The following ZNF490 variants were observed in gnomAD, a reference collection of about 807,000 sequenced individuals.
ZNF490 encodes zinc finger protein 490.
A neutral mutation model predicts 17.7 loss-of-function variants in ZNF490; 11 were observed. The ratio of observed to expected loss-of-function variants is 0.62; its 90% CI spans 0.39 to 1.03. The LOEUF (loss-of-function observed/expected upper bound fraction) is 1.03. Among genes scored for constraint, ZNF490 ranks in the 50% least tolerant of loss-of-function variants. The pLI is 0.00. For synonymous variants in ZNF490, 222 were observed against 216.1 expected, an observed-to-expected ratio of 1.03 and a Z score of -0.24; for missense variants, 542 against 643.4, an observed-to-expected ratio of 0.84 and a Z score of 1.71.
chr19:12,589,894 GTATGTATGTATGTATGTATT>G (rs1295244991), intron 2 of ZNF490, among the ~76,000 whole-genome samples: 43 of 110,306 alleles, frequency 3.9e-4, no homozygotes, highest in African/African-American at 1.0e-3. Flanking sequence ...ATGTATGTAT[GTATGTATGTATGTATGTATT>G]TATTTATTTA....
intron 2 of ZNF490, among the ~76,000 whole-genome samples, chr19:12,604,938 G>C (rs1390885575): frequency 6.6e-6 from 1 of 152,078 alleles, no homozygotes; most frequent in East Asian, 1.9e-4. Context: ...TGGATCACTT[G>C]AGGTCAGGAG....
chr19:12,597,132 C>A (rs1367483633), intron 2 of ZNF490: 1 of 462,312 alleles, frequency 2.2e-6, no homozygotes, highest in Non-Finnish European at 4.4e-6. Flanking sequence ...TCGGGACTCC[C>A]GGCCCCGCAC....
Position 12,578,139 on chromosome 19 carries a change from C to G in ZNF490, c.*2346G>C. 2 of 985,500 alleles carry G rather than the reference C, an allele frequency of 2.0e-6. No homozygotes were observed. Among genetic ancestry groups the G allele is most frequent in the South Asian group, 4.7e-5 (1 of 21,282 alleles). 61.0% of individuals were successfully genotyped at this position (985,500 alleles called of 1,614,324 possible). On this transcript the variant is annotated 3_prime_UTR_variant, in exon 5 of 5. Coordinates refer to ENST00000311437, the MANE Select transcript of ZNF490 (RefSeq NM_020714.3). The stretch of plus-strand genomic sequence containing the variant: ...CTAGTCTTAGCGGGAGGCTAGGAAA[C>G]CAGTCCTGGAGCAGGATGCATGTGA...
At position 12,583,543 on chromosome 19, in the gene ZNF490, A is replaced by C. The variant is rs1211858669; in HGVS notation, c.176T>G (p.Leu59Arg). The change falls in exon 3 of 5, where the codon CTT becomes CGT. Residue 59 changes from leucine (L) to arginine (R), a missense_variant. By Grantham distance (102) the Leu-to-Arg change is moderately radical (BLOSUM62 -2). Coordinates refer to ENST00000311437, the MANE Select transcript of ZNF490 (RefSeq NM_020714.3). The stretch of plus-strand genomic sequence containing the variant: ...GGTGAAGTTCACAGCCACATCCTCA[A>C]GGGAGATGGAGTCCTAAAACATCCC... ...SIKTQTDSISLEDVAVNFTLE... is the reference protein window; with the variant it reads ...SIKTQTDSISREDVAVNFTLE... 3 of 1,597,918 alleles carry C rather than the reference A, an allele frequency of 1.9e-6. No homozygotes were observed. The South Asian group carries it at 3.3e-5, about 18-fold the overall frequency.
intron 2 of ZNF490, among the ~76,000 whole-genome samples, chr19:12,601,012 C>G (rs1329373106): frequency 6.6e-6 from 1 of 151,116 alleles, no homozygotes; most frequent in Non-Finnish European, 1.5e-5. Flanking sequence ...ATCCTTTGAG[C>G]CTGGAAGGCA....
chr19:12,602,493 C>T (rs892466299), intron 2 of ZNF490, among the ~76,000 whole-genome samples: 3 of 151,906 alleles, frequency 2.0e-5, no homozygotes, highest in African/African-American at 4.8e-5. Flanking sequence ...AAGGTTGCAG[C>T]GAGCCGAGAT....
intron 2 of ZNF490, among the ~76,000 whole-genome samples, chr19:12,596,257 T>A: frequency 1.1e-4 from 3 of 26,386 alleles, no homozygotes; most frequent in African/African-American, 2.7e-4. Context: ...AGAGAAAGAC[T>A]CCGTCTCAAA....
rs997437007 is a variant in ZNF490 at position 12,581,241 on chromosome 19, G to A, written c.834C>T (p.Tyr278=). 6.2e-6 allele frequency: 10 copies of A among 1,613,802 alleles called. No individual in the cohort carries two copies. In the African/African-American group the frequency reaches 1.3e-4, roughly 22 times the overall value. The change falls in exon 5 of 5, where the codon TAC becomes TAT. Residue 278 remains tyrosine, a synonymous_variant. Transcript: ENST00000311437. ...HEKNHTGEKP[Y]KCKQCGKAFI... is the part of the protein sequence containing the mutation. ...AGGCTTTTCCACACTGTTTACATTT[G>A]TAGGGTTTCTCTCCAGTGTGATTTT... is the stretch of plus-strand genomic sequence containing the variant.
At chr19:12,588,688 T>C (rs1410433124) in intron 2 of ZNF490, among the ~76,000 whole-genome samples, 5 of 152,210 alleles carry the variant, frequency 3.3e-5, no homozygotes. Context: ...CAAGTTCACA[T>C]GGAATATTCA....
At chr19:12,604,236 C>G (rs763951938) in intron 2 of ZNF490, among the ~76,000 whole-genome samples, 4 of 152,202 alleles carry the variant, frequency 2.6e-5, no homozygotes, top group Non-Finnish European at 5.9e-5. Flanking sequence ...CTTTGTAGGG[C>G]CAGGTGTGGT....
intron 1 of ZNF490, 70 bp downstream of exon 1, chr19:12,610,494 A>C: frequency 1.6e-6 from 2 of 1,223,280 alleles, no homozygotes; most frequent in South Asian, 1.2e-5. Context: ...TGATGGGGTA[A>C]CCGTCTGTTT....
Position 12,579,818 on chromosome 19 carries a change from GA to G in ZNF490, c.*666del, listed in dbSNP as rs1311480343. The G allele has an allele frequency of 2.0e-5, 3 of 148,052 alleles. No individual in the cohort carries two copies. The highest frequency in any genetic ancestry group is 4.2e-3 in the Middle Eastern group (1 of 236). 9.2% of individuals were successfully genotyped at this position (148,052 alleles called of 1,614,324 possible). ...AGACACCATCTTGGGGTGCGGCGGG[GA>G]AAAAAAGGTTGGGTGCTGTGGCTCA... On this transcript the variant is annotated 3_prime_UTR_variant, in exon 5 of 5. Transcript: ENST00000311437.
intron 3 of ZNF490, 133 bp from the exon 4 acceptor site, chr19:12,583,043 AC>A: frequency 4.1e-6 from 3 of 723,802 alleles, no homozygotes; most frequent in Non-Finnish European, 6.3e-6. Context: ...TTCTCTTCCC[AC>A]ATTTTTTTTT....
At chr19:12,599,337 A>G (rs2022975151) in intron 2 of ZNF490, among the ~76,000 whole-genome samples, 1 of 151,786 alleles carries the variant, frequency 6.6e-6, no homozygotes, top group South Asian at 2.1e-4. Context: ...GTTTAGGACA[A>G]GTCAGAAAGT....
chr19:12,581,354 T>C lies in ZNF490; in HGVS notation c.721A>G (p.Ile241Val), dbSNP rs756546663. 2.6e-5 allele frequency: 42 copies of C among 1,613,802 alleles called. No homozygotes were observed. Among genetic ancestry groups the C allele is most frequent in the Non-Finnish European group, 3.1e-5 (37 of 1,179,954 alleles). ...GGTGTCTCTCCAGTATGAATTCTTA[T>C]ATGGTTTCGAAAGGAAAAGAGAAAT... is the stretch of plus-strand genomic sequence containing the variant. The part of the protein sequence containing the change: ...FAFLFSFRNH[I>V]RIHTGETPYE... The change falls in exon 5 of 5, where the codon ATA (isoleucine) becomes GTA (valine). Residue 241 changes from isoleucine (I) to valine (V), a missense_variant. Transcript: ENST00000311437.
intron 2 of ZNF490, 108 bp downstream of exon 2, chr19:12,609,050 C>A: frequency 9.5e-7 from 1 of 1,055,462 alleles, no homozygotes; most frequent in Non-Finnish European, 1.4e-6. Context: ...GGAGTGCCTT[C>A]ACAAAGACCC....
chr19:12,598,755 G>A lies in ZNF490; in HGVS notation c.162+10403C>T, dbSNP rs867217422. ...TGTAATCCCAGCACTTTGGGAGGCT[G>A]AGGCAGGCGGATCATGAGGTCAGGA... is the stretch of plus-strand genomic sequence containing the variant. On this transcript the variant is annotated intron_variant, in intron 2 of 4. Transcript: ENST00000311437. Among the ~76,000 whole-genome samples, 141 of 151,696 alleles carry A rather than the reference G, an allele frequency of 9.3e-4. 1 individual carries two copies. In the Middle Eastern group the frequency reaches 0.027, roughly 29 times the overall value.
At chr19:12,593,586 C>A (rs552157385) in intron 2 of ZNF490, among the ~76,000 whole-genome samples, 1 of 152,290 alleles carries the variant, frequency 6.6e-6, no homozygotes, top group East Asian at 1.9e-4. Context: ...AAAGGTGCAA[C>A]TCTTAGACAA....
At chr19:12,587,173 G>A (rs2145146450) in intron 2 of ZNF490, among the ~76,000 whole-genome samples, 1 of 77,784 alleles carries the variant, frequency 1.3e-5, no homozygotes, top group East Asian at 2.2e-4. Flanking sequence ...GCCATGCTCT[G>A]TCACCCAGGC....
Sources: allele counts gnomAD v4.1 joint callset (sites outside exome capture counted in the v4.1 genomes callset), GRCh38; gene constraint gnomAD v4.1.1; transcripts MANE v1.5; gene names NCBI Gene and HGNC (gene_info 2026-07-23, HGNC 2026-07-21).